Variants in NAV2 observed in about 807,000 individuals in gnomAD.
The protein encoded by NAV2 is helicase, APC down-regulated 1.
NAV2 carries 54 observed loss-of-function variants against 223.2 expected under a neutral mutation model. The observed-to-expected ratio is 0.24, with a 90% CI of 0.19 to 0.30. The LOEUF (loss-of-function observed/expected upper bound fraction) is 0.30, where lower values mean the gene tolerates loss of function less well. Among genes scored for constraint, NAV2 ranks in the 10% least tolerant of loss-of-function variants. The pLI, the probability that NAV2 is intolerant of heterozygous loss-of-function variation, is 1.00. For synonymous variants in NAV2, 1,279 were observed against 1,239.3 expected (o/e 1.03, Z -0.67); for missense variants, 2,806 against 3,147.5 (o/e 0.89, Z 2.60).
chr11:20,080,057 T>G lies in NAV2; in HGVS notation c.5180-7T>G. On this transcript the variant is annotated splice_region_variant and splice_polypyrimidine_tract_variant and intron_variant, in intron 24 of 37. Coordinates refer to ENST00000349880, the MANE Select transcript of NAV2 (RefSeq NM_145117.5). ...CAGCTGCTGAAACACCCTGCCTTGG[T>G]CTCCAGGAAACGGCACTGCCCAGTC... 6.2e-7 allele frequency: 1 copy of G among 1,612,964 alleles called. No individual in the cohort carries two copies. Among genetic ancestry groups the G allele is most frequent in the Non-Finnish European group, 8.5e-7 (1 of 1,179,870 alleles).
chr11:19,508,522 T>C (rs1457292860), intron 1 of NAV2, among the ~76,000 whole-genome samples: 1 of 152,100 alleles, frequency 6.6e-6, no homozygotes. Context: ...GCAGTTCTCA[T>C]TCTCAGTCCC....
chr11:19,678,766 A>C (rs1384763124), intron 1 of NAV2, among the ~76,000 whole-genome samples: 1 of 152,190 alleles, frequency 6.6e-6, no homozygotes, highest in African/African-American at 2.4e-5. Context: ...AGGGGCTCAA[A>C]ATGCTAATGC....
intron 11 of NAV2, among the ~76,000 whole-genome samples, chr11:20,020,195 G>C (rs1268772120): frequency 1.3e-5 from 2 of 152,160 alleles, no homozygotes; most frequent in Non-Finnish European, 2.9e-5. Context: ...GTCTAATTAT[G>C]TACTGTATTC....
At chr11:19,849,103 G>T (rs539243527) in intron 3 of NAV2, among the ~76,000 whole-genome samples, 2 of 152,284 alleles carry the variant, frequency 1.3e-5, no homozygotes, top group South Asian at 4.1e-4. Flanking sequence ...ACTCAAAACA[G>T]CCCTATGATA....
chr11:20,096,330 A>G (rs2061262815), intron 30 of NAV2, among the ~76,000 whole-genome samples: 1 of 152,216 alleles, frequency 6.6e-6, no homozygotes, highest in Admixed American at 6.5e-5. Context: ...CATGGGATAA[A>G]TAACTAATGA....
At chr11:19,425,783 C>T (rs991372666) in intron 1 of NAV2, among the ~76,000 whole-genome samples, 2 of 152,164 alleles carry the variant, frequency 1.3e-5, no homozygotes, top group African/African-American at 2.4e-5. Flanking sequence ...GAATATAAGA[C>T]TCATATTAAA....
At chr11:19,404,439 C>G (rs1849810687) in intron 1 of NAV2, among the ~76,000 whole-genome samples, 1 of 152,184 alleles carries the variant, frequency 6.6e-6, no homozygotes, top group African/African-American at 2.4e-5. Flanking sequence ...ATAAGCATCT[C>G]CTCCTGAATT....
chr11:19,474,319 G>A (rs1173297036), intron 1 of NAV2, among the ~76,000 whole-genome samples: 2 of 151,214 alleles, frequency 1.3e-5, no homozygotes, highest in Non-Finnish European at 2.9e-5. Context: ...TAGTGAGGCT[G>A]TATTTTGGGG....
At chr11:19,939,407 C>T (rs2046210134) in intron 7 of NAV2, among the ~76,000 whole-genome samples, 1 of 152,166 alleles carries the variant, frequency 6.6e-6, no homozygotes, top group Non-Finnish European at 1.5e-5. Flanking sequence ...GAGAAGCATT[C>T]CCCAGTGAGG....
chr11:20,020,923 T>A (rs111916599), intron 11 of NAV2, among the ~76,000 whole-genome samples: 23 of 152,308 alleles, frequency 1.5e-4, no homozygotes, highest in African/African-American at 5.5e-4. Flanking sequence ...ATTCTTGGAA[T>A]GCATTGCAAG....
chr11:19,813,019 G>A (rs935412794), intron 1 of NAV2, among the ~76,000 whole-genome samples: 5 of 151,952 alleles, frequency 3.3e-5, no homozygotes, highest in South Asian at 4.2e-4. Context: ...TCTGGAATCC[G>A]GCACCCATGC....
rs896155240 is a variant in NAV2 at position 20,120,788 on chromosome 11, C to G, written c.*2530C>G. The G allele has an allele frequency of 6.6e-6, 1 of 152,454 alleles. No homozygotes were observed. Among genetic ancestry groups the G allele is most frequent in the Non-Finnish European group, 1.5e-5 (1 of 68,040 alleles). The allele number at this position is 152,454 out of a possible 1,614,324, so 9.4% of individuals were successfully genotyped here. ...CTAAAGTTTCGGGAAGCAGGGTTGTCTAATATGCACATTTCTTATTTTGGT... is the reference window on the plus strand; with the variant it reads ...CTAAAGTTTCGGGAAGCAGGGTTGTGTAATATGCACATTTCTTATTTTGGT... On this transcript the variant is annotated 3_prime_UTR_variant, in exon 38 of 38. Transcript: ENST00000349880.
At chr11:20,002,613 C>A (rs866169263) in intron 11 of NAV2, among the ~76,000 whole-genome samples, 2 of 151,942 alleles carry the variant, frequency 1.3e-5, no homozygotes, top group African/African-American at 2.4e-5. Context: ...ACAGAATGTG[C>A]GGGAGGGATG....
chr11:20,008,824 A>G (rs1259738011), intron 11 of NAV2, among the ~76,000 whole-genome samples: 2 of 151,574 alleles, frequency 1.3e-5, no homozygotes, highest in African/African-American at 2.4e-5. Context: ...TTTCCCTGGC[A>G]TCTGATAAAT....
intron 1 of NAV2, among the ~76,000 whole-genome samples, chr11:19,639,664 G>A (rs1447402740): frequency 6.6e-6 from 1 of 152,178 alleles, no homozygotes; most frequent in East Asian, 1.9e-4. Flanking sequence ...GGCTGTGAGT[G>A]GTCATCTACT....
At chr11:19,895,104 C>CTTTT (rs71050690) in intron 6 of NAV2, among the ~76,000 whole-genome samples, 804 of 99,230 alleles carry the variant, frequency 8.1e-3, no homozygotes, top group East Asian at 0.023. Flanking sequence ...CTTTTTCTTT[C>CTTTT]TTTTTTTTTT....
chr11:19,953,842 A>C (rs1314115692), intron 10 of NAV2, among the ~76,000 whole-genome samples: 1 of 140,520 alleles, frequency 7.1e-6, no homozygotes, highest in East Asian at 2.2e-4. Context: ...ATGCACAAGA[A>C]ATGTGCACGC....
At chr11:19,698,478 C>T (rs528893484) in intron 1 of NAV2, among the ~76,000 whole-genome samples, 73 of 152,322 alleles carry the variant, frequency 4.8e-4, no homozygotes, top group African/African-American at 1.6e-3. Flanking sequence ...AGGGCAGTGG[C>T]TTTCCCAAGG....
intron 3 of NAV2, among the ~76,000 whole-genome samples, chr11:19,857,204 T>G (rs896033920): frequency 2.6e-5 from 4 of 152,252 alleles, no homozygotes; most frequent in African/African-American, 7.2e-5. Flanking sequence ...TGATGTCTTA[T>G]TTAATTTTGC....
Sources: gnomAD v4.1 joint callset for allele counts (sites outside exome capture counted in the v4.1 genomes callset) on GRCh38, gnomAD v4.1.1 for gene constraint, MANE v1.5 for transcripts, NCBI Gene and HGNC (gene_info 2026-07-23, HGNC 2026-07-21) for gene names.